Variants in DYNC1I1 observed in about 807,000 individuals in gnomAD.
DYNC1I1 encodes the protein dynein cytoplasmic 1 intermediate chain 1.
A neutral mutation model predicts 86.6 loss-of-function variants in DYNC1I1; 43 were observed. That is an observed-to-expected ratio of 0.50 (90% CI 0.39 to 0.64). The LOEUF (loss-of-function observed/expected upper bound fraction) is 0.64, where lower values mean the gene tolerates loss of function less well. DYNC1I1 is among the 30% of genes least tolerant of loss of function. The probability of loss-of-function intolerance (pLI) is 0.00; values close to 1 mark genes in which losing one functional copy is unlikely to be tolerated. For missense variants in DYNC1I1, 604 were observed against 788.8 expected, an observed-to-expected ratio of 0.77 and a Z score of 2.81; for synonymous variants, 262 against 283.7, an observed-to-expected ratio of 0.92 and a Z score of 0.77.
At chr7:96,025,164 G>A (rs571739343) in intron 10 of DYNC1I1, among the ~76,000 whole-genome samples, 77 of 152,264 alleles carry the variant, frequency 5.1e-4, no homozygotes, top group African/African-American at 1.9e-3. Flanking sequence ...GACATCTTGT[G>A]AAATGACTGA....
chr7:96,028,263 A>G lies in DYNC1I1; in HGVS notation c.1058A>G (p.Asn353Ser), dbSNP rs1794729735. 1.2e-6 allele frequency: 2 copies of G among 1,613,844 alleles called. No homozygotes were observed. The highest frequency in any genetic ancestry group is 2.2e-5 in the East Asian group (1 of 44,864). The change falls in exon 11 of 17, where the codon AAT becomes AGT. Residue 353 changes from asparagine to serine, a missense_variant. By Grantham distance (46) the Asn-to-Ser change is conservative. Transcript: ENST00000447467. ...TYSGQIVLWDNRSHRRTPVQR... is the reference protein window; with the variant it reads ...TYSGQIVLWDSRSHRRTPVQR... Reference sequence around the variant, plus strand: ...TCGGGCCAGATTGTCCTCTGGGACAATCGCAGTCATCGAAGGACTCCAGTG... The same window carrying G: ...TCGGGCCAGATTGTCCTCTGGGACAGTCGCAGTCATCGAAGGACTCCAGTG...
chr7:96,019,771 A>G lies in DYNC1I1; in HGVS notation c.970-8404A>G, dbSNP rs537152621. Among the ~76,000 whole-genome samples the G allele has an allele frequency of 2.6e-5, 4 of 152,264 alleles. No individual in the cohort carries two copies. The East Asian group carries it at 7.7e-4, about 29-fold the overall frequency. ...TTACTAGATCATCAGGACAACCTCC[A>G]TCAACAGGACAGGACCAAGAATTAC... On this transcript the variant is annotated intron_variant, in intron 10 of 16. Transcript: ENST00000447467.
Position 96,040,238 on chromosome 7 carries a change from TTAAAA to T in DYNC1I1, c.1509+840_1509+844del, listed in dbSNP as rs556023241. ...GACAGAGCCAGACTCCATCTCAAAA[TTAAAA>T]TAAAATAAAATAAAATAAAATAGTA... On this transcript the variant is annotated intron_variant, in intron 14 of 16. Transcript: ENST00000447467. 5.7e-4 allele frequency among the ~76,000 whole-genome samples: 86 copies of T among 151,484 alleles called. No homozygotes were observed. In the South Asian group the frequency reaches 6.7e-3, roughly 12 times the overall value.
intron 1 of DYNC1I1, among the ~76,000 whole-genome samples, chr7:95,795,507 C>A (rs1375664741): frequency 6.6e-6 from 1 of 152,088 alleles, no homozygotes; most frequent in Non-Finnish European, 1.5e-5. Flanking sequence ...TAATGGTAGA[C>A]TGGATAAAGA....
At chr7:95,899,224 A>T (rs1227664910) in intron 6 of DYNC1I1, among the ~76,000 whole-genome samples, 2 of 152,200 alleles carry the variant, frequency 1.3e-5, no homozygotes, top group South Asian at 2.1e-4. Context: ...AAAATGTCAA[A>T]GCAATGGGGA....
chr7:96,037,040 T>A (rs1003652626), intron 13 of DYNC1I1, among the ~76,000 whole-genome samples: 1 of 152,224 alleles, frequency 6.6e-6, no homozygotes, highest in Non-Finnish European at 1.5e-5. Flanking sequence ...TGTTCCAAGT[T>A]CATATCCCTG....
chr7:95,817,716 A>G (rs1407213220), intron 4 of DYNC1I1, among the ~76,000 whole-genome samples: 1 of 152,194 alleles, frequency 6.6e-6, no homozygotes, highest in Non-Finnish European at 1.5e-5. Flanking sequence ...ATTGTAATCC[A>G]TGCCCCTACA....
intron 6 of DYNC1I1, among the ~76,000 whole-genome samples, chr7:95,965,518 C>T (rs1792987686): frequency 6.6e-6 from 1 of 152,034 alleles, no homozygotes; most frequent in Admixed American, 6.6e-5. Context: ...TAAAGTATTG[C>T]CATTATCCAA....
chr7:96,107,084 T>C (rs1791227505), intron 16 of DYNC1I1, among the ~76,000 whole-genome samples: 1 of 152,026 alleles, frequency 6.6e-6, no homozygotes, highest in Non-Finnish European at 1.5e-5. Context: ...TGGAGTACAG[T>C]GGCATGATCT....
intron 1 of DYNC1I1, among the ~76,000 whole-genome samples, chr7:95,785,318 G>C (rs117442926): frequency 0.036 from 5,446 of 152,252 alleles, 118 homozygotes; most frequent in South Asian, 0.066. Flanking sequence ...GGAGGCTGAG[G>C]TGGGATGATC....
intron 6 of DYNC1I1, among the ~76,000 whole-genome samples, chr7:95,871,797 A>G (rs1044650031): frequency 6.6e-6 from 1 of 152,216 alleles, no homozygotes; most frequent in Non-Finnish European, 1.5e-5. Flanking sequence ...TGGTCCAAGC[A>G]GCAGGAAAGG....
chr7:95,889,011 T>C lies in DYNC1I1; in HGVS notation c.490+19013T>C, dbSNP rs1790668902. 2.0e-5 allele frequency among the ~76,000 whole-genome samples: 3 copies of C among 152,110 alleles called. No homozygotes were observed. In the South Asian group the frequency reaches 6.2e-4, roughly 31 times the overall value. ...AATGAGAAATGCTTGGGAGAAGTCA[T>C]TGGAGGAAGCTGCAATTGGGGTTTG... On this transcript the variant is annotated intron_variant, in intron 6 of 16. Transcript: ENST00000447467.
chr7:95,851,109 A>AT (rs36002499), intron 5 of DYNC1I1, among the ~76,000 whole-genome samples: 75,910 of 151,688 alleles, frequency 0.5, 21,153 homozygotes, highest in Non-Finnish European at 0.64. Flanking sequence ...TAATTTTTTG[A>AT]TTTTTTGAAC....
chr7:96,031,335 G>A (rs987839723), intron 11 of DYNC1I1, among the ~76,000 whole-genome samples: 1 of 152,154 alleles, frequency 6.6e-6, no homozygotes, highest in East Asian at 1.9e-4. Context: ...GGTAAGAAAA[G>A]ATTTGGCAGG....
intron 6 of DYNC1I1, among the ~76,000 whole-genome samples, chr7:95,885,326 C>T (rs1290473271): frequency 6.6e-6 from 1 of 151,856 alleles, no homozygotes; most frequent in Non-Finnish European, 1.5e-5. Flanking sequence ...CACCACCACA[C>T]CTGGCCAATT....
intron 6 of DYNC1I1, among the ~76,000 whole-genome samples, chr7:95,918,066 A>G (rs1221145687): frequency 6.6e-6 from 1 of 152,158 alleles, no homozygotes; most frequent in Non-Finnish European, 1.5e-5. Flanking sequence ...TCTAAAGTAA[A>G]CCTTTATTTT....
chr7:95,981,363 G>C (rs12113516), intron 7 of DYNC1I1, among the ~76,000 whole-genome samples: 25,703 of 151,980 alleles, frequency 0.17, 2,289 homozygotes, highest in Non-Finnish European at 0.18. Context: ...TTATTTAAAA[G>C]TATTTTCATA....
chr7:95,827,438 AT>A (rs1795225324), intron 4 of DYNC1I1, among the ~76,000 whole-genome samples: 1 of 152,238 alleles, frequency 6.6e-6, no homozygotes, highest in Admixed American at 6.5e-5. Context: ...TGCTTATGCA[AT>A]GTTTAAAAAA....
intron 5 of DYNC1I1, among the ~76,000 whole-genome samples, chr7:95,853,761 T>C (rs3886066): frequency 0.094 from 14,317 of 152,238 alleles, 719 homozygotes; most frequent in South Asian, 0.14. Context: ...CCTACGATTA[T>C]TTTATTGCAG....
Sources: gnomAD v4.1 joint callset for allele counts (sites outside exome capture counted in the v4.1 genomes callset) on GRCh38, gnomAD v4.1.1 for gene constraint, MANE v1.5 for transcripts, NCBI Gene and HGNC (gene_info 2026-07-23, HGNC 2026-07-21) for gene names.